Variants in BMPER observed in about 807,000 individuals in gnomAD.
BMPER encodes the protein BMP binding endothelial regulator.
BMPER carries 45 observed loss-of-function variants against 87.3 expected under a neutral mutation model. That is an observed-to-expected ratio of 0.52 (90% CI 0.41 to 0.66). BMPER has a LOEUF of 0.66. BMPER is among the 30% of genes least tolerant of loss of function. BMPER has a pLI of 0.00. For missense variants in BMPER, 784 were observed against 867.5 expected (o/e 0.90, Z 1.21); for synonymous variants, 326 against 316.2 (o/e 1.03, Z -0.33).
intron 13 of BMPER, among the ~76,000 whole-genome samples, chr7:34,132,609 A>G (rs1790623652): frequency 6.6e-6 from 1 of 152,232 alleles, no homozygotes; most frequent in Non-Finnish European, 1.5e-5. Flanking sequence ...TAGAATTATG[A>G]TGAGATGAGC....
intron 3 of BMPER, among the ~76,000 whole-genome samples, chr7:33,945,140 A>G (rs1009691825): frequency 2.0e-5 from 3 of 150,514 alleles, no homozygotes; most frequent in Non-Finnish European, 4.4e-5. Context: ...ACAGGGTTTC[A>G]CCGTGTTAGC....
chr7:34,143,245 C>T lies in BMPER; in HGVS notation c.1761C>T (p.Asp587=), dbSNP rs1790919600. The change falls in exon 14 of 15, where the codon GAC becomes GAT. Residue 587 remains aspartate (D), a synonymous_variant. Coordinates refer to ENST00000649409, the MANE Select transcript of BMPER (RefSeq NM_001365308.1). ...GGTCCTATAGGTCCTGTGTGACAGA[C>T]ATGTGTGAATGTCCAGTCCATAAAA... ...YATFYRSCVT[D]MCECPVHKNC... 8 of 1,613,948 alleles carry T rather than the reference C, an allele frequency of 5.0e-6. No homozygotes were observed. Among genetic ancestry groups the T allele is most frequent in the Non-Finnish European group, 5.9e-6 (7 of 1,179,926 alleles).
chr7:33,947,525 A>C (rs1784917790), intron 3 of BMPER, among the ~76,000 whole-genome samples: 1 of 152,176 alleles, frequency 6.6e-6, no homozygotes, highest in South Asian at 2.1e-4. Flanking sequence ...ATTTTTTAAT[A>C]GTTTAACTTT....
intron 14 of BMPER, among the ~76,000 whole-genome samples, chr7:34,151,387 G>A (rs1791172466): frequency 6.6e-6 from 1 of 152,140 alleles, no homozygotes; most frequent in Non-Finnish European, 1.5e-5. Context: ...TTTTAGTGTT[G>A]GAAGACAGAG....
intron 13 of BMPER, among the ~76,000 whole-genome samples, chr7:34,091,783 A>G (rs752070874): frequency 1.2e-4 from 19 of 152,240 alleles, no homozygotes; most frequent in Admixed American, 3.9e-4. Context: ...TTTTTTAAAA[A>G]TGCAACCTCA....
intron 6 of BMPER, among the ~76,000 whole-genome samples, chr7:33,987,910 G>C (rs918087509): frequency 1.3e-5 from 2 of 152,094 alleles, no homozygotes; most frequent in Non-Finnish European, 2.9e-5. Flanking sequence ...AAAGGAGGAG[G>C]TACCAGTTTC....
intron 6 of BMPER, among the ~76,000 whole-genome samples, chr7:33,989,605 A>G (rs1786139384): frequency 6.6e-6 from 1 of 152,120 alleles, no homozygotes; most frequent in South Asian, 2.1e-4. Flanking sequence ...ACTGTGCAGA[A>G]GCTCTTTAGT....
intron 6 of BMPER, among the ~76,000 whole-genome samples, chr7:33,991,201 C>T (rs1786205946): frequency 6.7e-6 from 1 of 150,134 alleles, no homozygotes; most frequent in Admixed American, 6.7e-5. Context: ...GTACCAGTTC[C>T]TCCTTGTACC....
At chr7:34,082,458 A>G (rs1489690330) in intron 12 of BMPER, among the ~76,000 whole-genome samples, 2 of 151,470 alleles carry the variant, frequency 1.3e-5, no homozygotes, top group Non-Finnish European at 2.9e-5. Context: ...CATCTGTAGT[A>G]GAGTAAGTCA....
At chr7:33,967,487 C>T (rs1202416267) in intron 4 of BMPER, among the ~76,000 whole-genome samples, 1 of 152,204 alleles carries the variant, frequency 6.6e-6, no homozygotes. Context: ...TAGGTATGCT[C>T]ATTCATAAGA....
At chr7:33,974,874 C>A in intron 6 of BMPER, 90 bp downstream of exon 6, 1 of 1,235,264 alleles carries the variant, frequency 8.1e-7, no homozygotes, top group South Asian at 1.2e-5. Flanking sequence ...TACAGCCTCT[C>A]TCTCGTCTCC....
chr7:33,967,884 T>G (rs1484649912), intron 4 of BMPER, among the ~76,000 whole-genome samples: 1 of 152,242 alleles, frequency 6.6e-6, no homozygotes, highest in Non-Finnish European at 1.5e-5. Context: ...GGTTTTGAAG[T>G]TCCTTAAGTT....
intron 13 of BMPER, among the ~76,000 whole-genome samples, chr7:34,140,786 T>A (rs1790844599): frequency 6.6e-6 from 1 of 152,256 alleles, no homozygotes; most frequent in African/African-American, 2.4e-5. Context: ...TTTATTTGTT[T>A]ATTGTCCATG....
chr7:34,107,562 T>G (rs1337136880), intron 13 of BMPER, among the ~76,000 whole-genome samples: 2 of 151,986 alleles, frequency 1.3e-5, no homozygotes, highest in African/African-American at 4.8e-5. Flanking sequence ...TCGAGTTAGG[T>G]TTTTTTTCGG....
chr7:34,083,671 C>T (rs1428734346), intron 12 of BMPER, among the ~76,000 whole-genome samples: 1 of 152,166 alleles, frequency 6.6e-6, no homozygotes, highest in Non-Finnish European at 1.5e-5. Context: ...GGACTATATC[C>T]AGACTTCAGG....
In BMPER at chr7:34,083,254, G is replaced by C. The variant is rs1205134525; in HGVS notation, c.1409-2502G>C. 3.3e-5 allele frequency among the ~76,000 whole-genome samples: 5 copies of C among 152,264 alleles called. No individual in the cohort carries two copies. In the East Asian group the frequency reaches 9.7e-4, roughly 29 times the overall value. ...AGTTGTAGTTGCCAGAGTTGACATG[G>C]TCTTCTCACAGAGATCCACATGGGA... On this transcript the variant is annotated intron_variant, in intron 12 of 14. Coordinates refer to ENST00000649409, the MANE Select transcript of BMPER (RefSeq NM_001365308.1).
At chr7:34,045,767 C>T (rs1385406711) in intron 6 of BMPER, among the ~76,000 whole-genome samples, 2 of 152,148 alleles carry the variant, frequency 1.3e-5, no homozygotes, top group African/African-American at 2.4e-5. Context: ...GCAGCACCTT[C>T]CAGCTGTGGC....
intron 13 of BMPER, among the ~76,000 whole-genome samples, chr7:34,102,709 A>G (rs1363690185): frequency 6.6e-6 from 1 of 152,112 alleles, no homozygotes; most frequent in African/African-American, 2.4e-5. Context: ...GAGAGGAGTG[A>G]CCTCTTTGCA....
intron 6 of BMPER, among the ~76,000 whole-genome samples, chr7:33,988,653 C>T (rs557571120): frequency 6.6e-5 from 10 of 151,692 alleles, no homozygotes; most frequent in South Asian, 2.1e-4. Flanking sequence ...TTAGGGTACA[C>T]GTGCACATTG....
Sources: allele counts gnomAD v4.1 joint callset (sites outside exome capture counted in the v4.1 genomes callset), GRCh38; gene constraint gnomAD v4.1.1; transcripts MANE v1.5; gene names NCBI Gene and HGNC (gene_info 2026-07-23, HGNC 2026-07-21).